The following STX3 variants were observed in gnomAD, a reference collection of about 807,000 sequenced individuals.
The protein encoded by STX3 is syntaxin 3, also known as syntaxin-3.
A neutral mutation model predicts 40.2 loss-of-function variants in STX3; 19 were observed. That is an observed-to-expected ratio of 0.47 (90% CI 0.33 to 0.69). STX3 has a LOEUF of 0.69. Among genes scored for constraint, STX3 ranks in the 30% least tolerant of loss-of-function variants. The probability of loss-of-function intolerance (pLI) is 0.02; values close to 1 mark genes in which losing one functional copy is unlikely to be tolerated. For missense variants in STX3, 364 were observed against 366.7 expected (o/e 0.99, Z 0.06); for synonymous variants, 122 against 132.2 (o/e 0.92, Z 0.53).
intron 10 of STX3, 88 bp downstream of exon 10, chr11:59,797,484 CT>C (rs1187972182): frequency 4.1e-6 from 4 of 966,430 alleles, no homozygotes; most frequent in Non-Finnish European, 6.4e-6. Context: ...TTCTTTCCCC[CT>C]ATGATTGTCC....
intron 1 of STX3, among the ~76,000 whole-genome samples, chr11:59,759,569 T>C: frequency 6.6e-6 from 1 of 152,174 alleles, no homozygotes; most frequent in East Asian, 1.9e-4. Context: ...ATGTATGGAA[T>C]AGAGGTTGAA....
chr11:59,805,692 CAT>C lies in STX3; in HGVS notation c.*4870_*4871del, dbSNP rs1338330352. 7.9e-5 allele frequency: 12 copies of C among 152,534 alleles called. No homozygotes were observed. Among genetic ancestry groups the C allele is most frequent in the Admixed American group, 2.6e-4 (4 of 15,312 alleles). The allele number at this position is 152,534 out of a possible 1,614,324, so 9.4% of individuals were successfully genotyped here. The stretch of plus-strand genomic sequence containing the variant: ...GTACTAGATTCTGCAGGGGCACAAA[CAT>C]AGAGCCAAACACTCTCCCTCTTGGA... On this transcript the variant is annotated 3_prime_UTR_variant, in exon 11 of 11. Coordinates refer to ENST00000337979, the MANE Select transcript of STX3 (RefSeq NM_004177.5).
intron 1 of STX3, among the ~76,000 whole-genome samples, chr11:59,765,802 T>TCAAACAAA (rs111856818): frequency 3.9e-5 from 6 of 152,054 alleles, no homozygotes; most frequent in African/African-American, 7.2e-5. Flanking sequence ...AGACTCTGTC[T>TCAAACAAA]CAAACAAACA....
At chr11:59,773,920 A>C (rs761237324) in intron 2 of STX3, among the ~76,000 whole-genome samples, 10 of 149,380 alleles carry the variant, frequency 6.7e-5, no homozygotes, top group Non-Finnish European at 1.2e-4. Flanking sequence ...CAGTGAGCCG[A>C]GATCGCACCA....
In STX3 at chr11:59,804,981, AGACT is replaced by A. The variant is rs1297337718; in HGVS notation, c.*4161_*4164del. 1 of 152,248 alleles carries A rather than the reference AGACT, an allele frequency of 6.6e-6. No homozygotes were observed. The highest frequency in any genetic ancestry group is 1.9e-4 in the East Asian group (1 of 5,186). The allele number at this position is 152,248 out of a possible 1,614,324, so 9.4% of individuals were successfully genotyped here. ...GGGAGGCCAAGGCAGGTGGATCACCAGACTGACCAACATAGTGAAACCCCCTCTC... is the reference window on the plus strand; with the variant it reads ...GGGAGGCCAAGGCAGGTGGATCACCAGACCAACATAGTGAAACCCCCTCTC... On this transcript the variant is annotated 3_prime_UTR_variant, in exon 11 of 11. Coordinates refer to ENST00000337979, the MANE Select transcript of STX3 (RefSeq NM_004177.5).
intron 1 of STX3, among the ~76,000 whole-genome samples, chr11:59,761,058 A>G (rs900889802): frequency 8.5e-5 from 13 of 152,146 alleles, no homozygotes; most frequent in African/African-American, 2.9e-4. Flanking sequence ...ATCTTTACCT[A>G]CCTGAAGTGG....
At chr11:59,761,993 A>G (rs1010669636) in intron 1 of STX3, among the ~76,000 whole-genome samples, 8 of 152,138 alleles carry the variant, frequency 5.3e-5, no homozygotes, top group African/African-American at 1.9e-4. Flanking sequence ...GTACATTACT[A>G]TTCACCCAAC....
chr11:59,780,551 C>G (rs373493883), intron 2 of STX3, among the ~76,000 whole-genome samples: 1 of 152,314 alleles, frequency 6.6e-6, no homozygotes, highest in East Asian at 1.9e-4. Flanking sequence ...TAGTTTTCCT[C>G]CTTTCTCTCT....
chr11:59,764,218 G>C (rs1863176762), intron 1 of STX3, among the ~76,000 whole-genome samples: 1 of 152,172 alleles, frequency 6.6e-6, no homozygotes, highest in African/African-American at 2.4e-5. Context: ...CACCATCTAA[G>C]AATTGGCATT....
intron 9 of STX3, among the ~76,000 whole-genome samples, chr11:59,796,716 A>G (rs954144343): frequency 2.0e-4 from 31 of 152,204 alleles, no homozygotes; most frequent in African/African-American, 5.1e-4. Flanking sequence ...CTCTGATTCT[A>G]TCTGTCCACA....
intron 2 of STX3, among the ~76,000 whole-genome samples, chr11:59,779,033 TCA>T: frequency 1.3e-5 from 2 of 152,270 alleles, no homozygotes; most frequent in East Asian, 3.9e-4. Flanking sequence ...AGACGGGGTT[TCA>T]CCATGTTGGT....
intron 1 of STX3, among the ~76,000 whole-genome samples, chr11:59,764,927 G>A (rs1244680419): frequency 4.2e-4 from 61 of 145,160 alleles, no homozygotes. Context: ...TATTGTTAGG[G>A]CACACTGAGT....
At chr11:59,781,454 A>G (rs915210020) in intron 2 of STX3, 1 of 1,612,942 alleles carries the variant, frequency 6.2e-7, no homozygotes, top group Non-Finnish European at 8.5e-7. Context: ...CACCATCTGT[A>G]AAGTTGCAGA....
At chr11:59,771,969 A>C (rs1863676486) in intron 1 of STX3, among the ~76,000 whole-genome samples, 1 of 152,186 alleles carries the variant, frequency 6.6e-6, no homozygotes, top group Non-Finnish European at 1.5e-5. Context: ...CCAGAGAATG[A>C]GATGCTGGGG....
chr11:59,800,760 T>C (rs1263810741), intron 10 of STX3, 95 bp from the exon 11 acceptor site: 1 of 1,529,488 alleles, frequency 6.5e-7, no homozygotes, highest in East Asian at 2.5e-5. Context: ...TTTCTGGTCT[T>C]TCCTCCCCAC....
rs754617286 is a variant in STX3 at position 59,792,113 on chromosome 11, G to C, written c.364G>C (p.Val122Leu). ...DLRIRKSQHS[V>L]LSRKFVEVMT... ...ATTTTACATCATCCCACAGCACTCT[G>C]TCCTTTCTCGGAAGTTTGTGGAGGT... Residue 122 changes from valine to leucine, a missense_variant, in exon 6 of 11, where the codon GTC becomes CTC. Transcript: ENST00000337979. The C allele has an allele frequency of 1.9e-6, 3 of 1,613,542 alleles. No individual in the cohort carries two copies. The Admixed American group carries it at 5.0e-5, about 27-fold the overall frequency.
rs762465895 is a variant in STX3, at chr11:59,787,151, A to T, written c.214+15A>T. On this transcript the variant is annotated intron_variant, in intron 3 of 10. Coordinates refer to ENST00000337979, the MANE Select transcript of STX3 (RefSeq NM_004177.5). ...TCCAGAGCCAAGTGAGTGTTTACTT[A>T]GAACTGAGTCATCCAACAATCACCC... 1 of 1,607,584 alleles carries T rather than the reference A, an allele frequency of 6.2e-7. No individual in the cohort carries two copies.
In STX3 at chr11:59,803,153, C is replaced by T; in HGVS notation, c.*2329C>T. 8.1e-7 allele frequency: 1 copy of T among 1,231,214 alleles called. No individual in the cohort carries two copies. The highest frequency in any genetic ancestry group is 1.0e-6 in the Non-Finnish European group (1 of 987,672). 76.3% of individuals were successfully genotyped at this position (1,231,214 alleles called of 1,614,324 possible). ...TTCCATGTCCACATGCACTTATCTC[C>T]CTGCAGAATACTTTTTGCGATGATG... On this transcript the variant is annotated 3_prime_UTR_variant, in exon 11 of 11. Coordinates refer to ENST00000337979, the MANE Select transcript of STX3 (RefSeq NM_004177.5).
At chr11:59,799,623 A>G (rs1446912876) in intron 10 of STX3, 3 of 982,342 alleles carry the variant, frequency 3.1e-6, no homozygotes, top group Admixed American at 6.1e-5. Context: ...GACTTGGCAC[A>G]TAATACCATG....
Sources: allele counts gnomAD v4.1 joint callset (sites outside exome capture counted in the v4.1 genomes callset), GRCh38; gene constraint gnomAD v4.1.1; transcripts MANE v1.5; gene names NCBI Gene and HGNC (gene_info 2026-07-23, HGNC 2026-07-21).